NUDT3: variants seen among roughly 807,000 people sequenced by gnomAD.
NUDT3 encodes diphosphoinositol polyphosphate phosphohydrolase 1.
In NUDT3, 9 loss-of-function variants were observed where a neutral mutation model predicts 23.6. The observed-to-expected ratio is 0.38, with a 90% confidence interval of 0.23 to 0.66. The LOEUF is 0.66. Among genes scored for constraint, NUDT3 ranks in the 30% least tolerant of loss-of-function variants. The pLI is 0.52. For missense variants in NUDT3, 172 were observed against 218.5 expected, an observed-to-expected ratio of 0.79 and a Z score of 1.34; for synonymous variants, 86 against 82.6, an observed-to-expected ratio of 1.04 and a Z score of -0.22.
At position 34,346,514 on chromosome 6, in the gene NUDT3, A is replaced by G. The variant is rs116824869; in HGVS notation, c.100-4542T>C. On this transcript the variant is annotated intron_variant, in intron 1 of 4. Transcript: ENST00000607016. ...AAAAGGAAACCTCTGACAAAAGATA[A>G]GCATTCAATTTCTAAATTTCAATCA... Among the ~76,000 whole-genome samples the G allele has an allele frequency of 4.0e-3, 614 of 152,364 alleles. 7 individuals carry two copies. The highest frequency in any genetic ancestry group is 0.014 in the African/African-American group (570 of 41,594).
At chr6:34,373,660 T>C (rs1236341801) in intron 1 of NUDT3, among the ~76,000 whole-genome samples, 5 of 152,200 alleles carry the variant, frequency 3.3e-5, no homozygotes, top group African/African-American at 7.2e-5. Context: ...AAAATATCCA[T>C]GTTTCTGACA....
At chr6:34,304,834 C>CT (rs533001818) in intron 2 of NUDT3, among the ~76,000 whole-genome samples, 2,952 of 130,774 alleles carry the variant, frequency 0.023, 74 homozygotes, top group African/African-American at 0.069. Flanking sequence ...TAATTAAAAA[C>CT]TTTTTTTTTT....
At chr6:34,321,695 G>A (rs1374437151) in intron 2 of NUDT3, among the ~76,000 whole-genome samples, 3 of 152,078 alleles carry the variant, frequency 2.0e-5, no homozygotes, top group Non-Finnish European at 4.4e-5. Flanking sequence ...GCAAGTCACT[G>A]AGCAGTACTA....
chr6:34,363,094 T>C (rs1239157849), intron 1 of NUDT3, among the ~76,000 whole-genome samples: 1 of 152,196 alleles, frequency 6.6e-6, no homozygotes, highest in Non-Finnish European at 1.5e-5. Flanking sequence ...AGTTAACGAT[T>C]GAGCACAACA....
At chr6:34,323,126 A>C (rs1763971124) in intron 2 of NUDT3, among the ~76,000 whole-genome samples, 1 of 152,188 alleles carries the variant, frequency 6.6e-6, no homozygotes, top group Admixed American at 6.5e-5. Context: ...GTTGAAAAAC[A>C]ACCCATCAGG....
chr6:34,363,474 T>C (rs1433770971), intron 1 of NUDT3, among the ~76,000 whole-genome samples: 1 of 152,124 alleles, frequency 6.6e-6, no homozygotes, highest in Non-Finnish European at 1.5e-5. Context: ...TCCTAACTCA[T>C]GAAGGAGAAT....
intron 2 of NUDT3, among the ~76,000 whole-genome samples, chr6:34,339,809 A>G (rs1234877534): frequency 6.6e-6 from 1 of 152,262 alleles, no homozygotes; most frequent in African/African-American, 2.4e-5. Context: ...TTTTTAGAGT[A>G]AACATATATT....
At chr6:34,308,460 C>CGTCTCTCA (rs1763718308) in intron 2 of NUDT3, among the ~76,000 whole-genome samples, 1 of 82,006 alleles carries the variant, frequency 1.2e-5, no homozygotes, top group African/African-American at 3.9e-5. Context: ...GATCGTCTCT[C>CGTCTCTCA]AAAAAAAAAA....
In NUDT3 at chr6:34,351,701, A is replaced by G. The variant is rs534598374; in HGVS notation, c.100-9729T>C. On this transcript the variant is annotated intron_variant, in intron 1 of 4. Coordinates refer to ENST00000607016, the MANE Select transcript of NUDT3 (RefSeq NM_006703.4). ...GGTTGCAGTGAGCCGAGATCGCACC[A>G]TTGCATTCCAGCCTGTGCGACAAGA... Among the ~76,000 whole-genome samples the G allele has an allele frequency of 1.1e-4, 16 of 141,402 alleles. 1 individual carries two copies. Among genetic ancestry groups the G allele is most frequent in the African/African-American group, 4.3e-4 (16 of 36,914 alleles). The allele number at this position is 141,402 out of a possible 152,430, so 92.8% of individuals were successfully genotyped here.
chr6:34,300,371 C>G (rs1763581112), intron 2 of NUDT3, among the ~76,000 whole-genome samples: 1 of 152,196 alleles, frequency 6.6e-6, no homozygotes, highest in South Asian at 2.1e-4. Flanking sequence ...CTTGCTGCTA[C>G]CAGGGAGACC....
intron 4 of NUDT3, among the ~76,000 whole-genome samples, chr6:34,291,704 T>G (rs1275712580): frequency 6.6e-6 from 1 of 151,996 alleles, no homozygotes; most frequent in African/African-American, 2.4e-5. Context: ...GGTTTCACCA[T>G]GTTGGCCAGG....
intron 1 of NUDT3, among the ~76,000 whole-genome samples, chr6:34,348,938 C>T (rs1400253827): frequency 6.6e-6 from 1 of 151,938 alleles, no homozygotes; most frequent in East Asian, 1.9e-4. Context: ...TGGCTTACTG[C>T]AGCCTTGGAC....
chr6:34,300,592 T>G (rs1763584041), intron 2 of NUDT3, among the ~76,000 whole-genome samples: 1 of 152,106 alleles, frequency 6.6e-6, no homozygotes, highest in African/African-American at 2.4e-5. Context: ...CCTTGTCAAG[T>G]GGGGATGTGA....
chr6:34,324,916 C>T (rs930693703), intron 2 of NUDT3, among the ~76,000 whole-genome samples: 4 of 152,158 alleles, frequency 2.6e-5, no homozygotes, highest in East Asian at 1.9e-4. Flanking sequence ...TTGAATTACA[C>T]TCGGCCACGT....
chr6:34,286,869 CA>C lies in NUDT3; in HGVS notation c.*1883del, dbSNP rs1405143740. The stretch of plus-strand genomic sequence containing the variant: ...ACAGTGGTGCAATCTCGGCTCACTG[CA>C]ACCTCTGCCTCCCAGGTTCAAGCGA... On this transcript the variant is annotated 3_prime_UTR_variant, in exon 5 of 5. Coordinates refer to ENST00000607016, the MANE Select transcript of NUDT3 (RefSeq NM_006703.4). 6.7e-6 allele frequency: 1 copy of C among 149,120 alleles called. No homozygotes were observed. Among genetic ancestry groups the C allele is most frequent in the African/African-American group, 2.5e-5 (1 of 40,220 alleles). The allele number at this position is 149,120 out of a possible 1,614,324, so 9.2% of individuals were successfully genotyped here.
intron 3 of NUDT3, among the ~76,000 whole-genome samples, chr6:34,293,784 A>G (rs1229258044): frequency 6.6e-6 from 1 of 152,134 alleles, no homozygotes; most frequent in Non-Finnish European, 1.5e-5. Context: ...TCCCCTAAAT[A>G]CAACTTAACA....
intron 2 of NUDT3, 33 bp from the exon 3 acceptor site, chr6:34,295,718 T>G (rs777940624): frequency 1.2e-6 from 2 of 1,610,920 alleles, no homozygotes; most frequent in Non-Finnish European, 1.7e-6. Context: ...AATGCACTGA[T>G]AGTATTATAT....
intron 2 of NUDT3, among the ~76,000 whole-genome samples, chr6:34,301,850 C>T (rs778436212): frequency 2.0e-5 from 3 of 152,190 alleles, no homozygotes; most frequent in Non-Finnish European, 2.9e-5. Flanking sequence ...TTGTTGTTAG[C>T]CATTTTCCCT....
chr6:34,290,011 C>T (rs1337784358), intron 4 of NUDT3, among the ~76,000 whole-genome samples: 3 of 152,172 alleles, frequency 2.0e-5, no homozygotes, highest in Non-Finnish European at 4.4e-5. Context: ...GCTCCAATCA[C>T]ATAAATGGCT....
Sources: allele counts gnomAD v4.1 joint callset (sites outside exome capture counted in the v4.1 genomes callset), GRCh38; gene constraint gnomAD v4.1.1; transcripts MANE v1.5; gene names NCBI Gene and HGNC (gene_info 2026-07-23, HGNC 2026-07-21).